Variants in OR2C1 observed in about 807,000 individuals in gnomAD.
OR2C1 encodes olfactory receptor 2C1.
For synonymous variants in OR2C1, 209 were observed against 167.3 expected (o/e 1.25, Z -1.92); for missense variants, 468 against 388.3 (o/e 1.21, Z -1.73).
At chr16:3,335,520 CTTTTTT>C in the OR2C1 span, among the ~76,000 whole-genome samples, 40 of 55,442 alleles carry the variant, frequency 7.2e-4, no homozygotes, top group African/African-American at 2.9e-3. Context: ...AATGCTACTG[CTTTTTT>C]TTTTTTTTTT....
At chr16:3,354,546 A>C (rs2030628484), upstream of OR2C1, among the ~76,000 whole-genome samples, 1 of 152,180 alleles carries the variant, frequency 6.6e-6, no homozygotes, top group Non-Finnish European at 1.5e-5. Flanking sequence ...TATTTGGAGC[A>C]TAAGTCTGTA....
upstream of OR2C1, among the ~76,000 whole-genome samples, chr16:3,351,827 C>T (rs186983738): frequency 1.1e-4 from 16 of 151,950 alleles, no homozygotes; most frequent in East Asian, 2.5e-3. Flanking sequence ...TAGCCTTTTC[C>T]AGTCTAAATT....
chr16:3,356,423 A>G lies in OR2C1; in HGVS notation c.483A>G (p.Thr161=). The G allele has an allele frequency of 1.2e-6, 2 of 1,613,946 alleles. No homozygotes were observed. The highest frequency in any genetic ancestry group is 1.7e-6 in the Non-Finnish European group (2 of 1,180,038). The part of the protein sequence containing the change: ...GGLGNSVIQS[T]FTLQLPLCGH... Reference sequence around the variant, plus strand: ...TGGGCAACTCTGTGATCCAGTCAACATTCACTCTGCAGCTCCCATTGTGTG... The same window carrying G: ...TGGGCAACTCTGTGATCCAGTCAACGTTCACTCTGCAGCTCCCATTGTGTG... The change falls in exon 1 of 1, where the codon ACA becomes ACG. Residue 161 remains threonine (T), a synonymous_variant. Transcript: ENST00000304936.
At chr16:3,323,329 G>C in the OR2C1 span, 2 of 1,103,344 alleles carry the variant, frequency 1.8e-6, no homozygotes, top group Non-Finnish European at 2.7e-6. Context: ...GAGATCTCCT[G>C]GAAATGCTTC....
chr16:3,353,489 C>CAAAAA (rs58703245), upstream of OR2C1, among the ~76,000 whole-genome samples: 2 of 82,966 alleles, frequency 2.4e-5, no homozygotes, highest in Admixed American at 1.6e-4. Flanking sequence ...GACTCCGTCT[C>CAAAAA]AAAAAAAAAA....
At chr16:3,348,986 C>T in the OR2C1 span, among the ~76,000 whole-genome samples, 19 of 152,064 alleles carry the variant, frequency 1.2e-4, no homozygotes, top group African/African-American at 4.1e-4. Context: ...AAAATAGCAA[C>T]TTCCTCCGCA....
At chr16:3,346,869 T>A in the OR2C1 span, among the ~76,000 whole-genome samples, 2 of 151,188 alleles carry the variant, frequency 1.3e-5, no homozygotes, top group Admixed American at 1.3e-4. Flanking sequence ...TGGCCTCAAG[T>A]GATCTGCCCA....
chr16:3,336,355 T>TTTTC, the OR2C1 span, among the ~76,000 whole-genome samples: 3 of 152,000 alleles, frequency 2.0e-5, no homozygotes, highest in Non-Finnish European at 4.4e-5. Context: ...GTAGTTTTCT[T>TTTTC]TTTCTTTCTT....
chr16:3,344,750 A>G, the OR2C1 span, among the ~76,000 whole-genome samples: 1 of 150,130 alleles, frequency 6.7e-6, no homozygotes, highest in Non-Finnish European at 1.5e-5. Flanking sequence ...TTTTTTGATT[A>G]TACTAAGTGT....
chr16:3,323,374 G>A, the OR2C1 span: 14 of 999,778 alleles, frequency 1.4e-5, no homozygotes, highest in Non-Finnish European at 1.9e-5. Flanking sequence ...GGTCTTCCAA[G>A]CAAATGACAC....
the OR2C1 span, among the ~76,000 whole-genome samples, chr16:3,337,829 T>C: frequency 1.3e-5 from 2 of 152,176 alleles, no homozygotes; most frequent in African/African-American, 4.8e-5. Flanking sequence ...TGTCTTTGCA[T>C]TGAAGGACTA....
At chr16:3,352,306 G>A (rs1485241359), upstream of OR2C1, among the ~76,000 whole-genome samples, 4 of 151,898 alleles carry the variant, frequency 2.6e-5, no homozygotes, top group African/African-American at 7.3e-5. Context: ...TAGTAGAGAC[G>A]GGGTTTCACT....
chr16:3,350,573 G>A, the OR2C1 span, among the ~76,000 whole-genome samples: 97 of 151,262 alleles, frequency 6.4e-4, 2 homozygotes, highest in Admixed American at 2.4e-3. Flanking sequence ...CTCCGTGCCC[G>A]GCTAATTTTT....
chr16:3,349,463 G>A, the OR2C1 span, among the ~76,000 whole-genome samples: 2 of 152,198 alleles, frequency 1.3e-5, no homozygotes, highest in East Asian at 3.9e-4. Flanking sequence ...GTTAAAAGCT[G>A]TGGCCCCAGT....
upstream of OR2C1, among the ~76,000 whole-genome samples, chr16:3,352,987 C>G (rs1409290752): frequency 6.6e-6 from 1 of 151,444 alleles, no homozygotes; most frequent in East Asian, 2.0e-4. Flanking sequence ...AAGTGATCTG[C>G]CTGCCTCGGC....
upstream of OR2C1, among the ~76,000 whole-genome samples, chr16:3,354,700 G>A (rs146635002): frequency 1.8e-4 from 28 of 152,304 alleles, no homozygotes; most frequent in Admixed American, 1.6e-3. Context: ...AAATTCTGGG[G>A]AGCTTTTCCA....
At chr16:3,357,780 G>C (rs1233403917), downstream of OR2C1, among the ~76,000 whole-genome samples, 1 of 151,846 alleles carries the variant, frequency 6.6e-6, no homozygotes. Context: ...TCAGGAGTTC[G>C]GGACCAGCCT....
At chr16:3,323,631 C>T in the OR2C1 span, 143 of 718,988 alleles carry the variant, frequency 2.0e-4, 2 homozygotes, top group East Asian at 3.1e-3. Context: ...AGTAGACTCA[C>T]GCCAACAATC....
At chr16:3,353,979 T>C (rs1343232025), upstream of OR2C1, among the ~76,000 whole-genome samples, 1 of 124,684 alleles carries the variant, frequency 8.0e-6, no homozygotes, top group Admixed American at 7.6e-5. Context: ...TTTTCTTTTC[T>C]TTTCTTTTTT....
Sources: gnomAD v4.1 joint callset for allele counts (sites outside exome capture counted in the v4.1 genomes callset) on GRCh38, gnomAD v4.1.1 for gene constraint, MANE v1.5 for transcripts, NCBI Gene and HGNC (gene_info 2026-07-23, HGNC 2026-07-21) for gene names.